GAD2: variants seen among roughly 807,000 people sequenced by gnomAD.
GAD2 encodes the protein 65 kDa glutamic acid decarboxylase.
GAD2 carries 22 observed loss-of-function variants against 80.1 expected under a neutral mutation model. That is an observed-to-expected ratio of 0.27 (90% CI 0.20 to 0.39). The LOEUF is 0.39. Among genes scored for constraint, GAD2 ranks in the 10% least tolerant of loss-of-function variants. GAD2 has a pLI of 1.00. For missense variants in GAD2, 624 were observed against 738.4 expected (o/e 0.85, Z 1.80); for synonymous variants, 274 against 256.9 (o/e 1.07, Z -0.64).
chr10:26,274,978 C>T (rs1161743602), intron 11 of GAD2, among the ~76,000 whole-genome samples: 1 of 152,188 alleles, frequency 6.6e-6, no homozygotes, highest in Non-Finnish European at 1.5e-5. Flanking sequence ...ATTTAGATGC[C>T]AGTGGATGAG....
rs1207503880 is a variant in GAD2, at chr10:26,217,880, G to T, written c.175G>T (p.Gly59Cys). The T allele has an allele frequency of 6.2e-6, 10 of 1,605,806 alleles. No individual in the cohort carries two copies. Among genetic ancestry groups the T allele is most frequent in the Admixed American group, 1.7e-5 (1 of 59,158 alleles). ...AGACGCCGAGAAGCCGGCGGAGAGC[G>T]GCGGGAGCCAACCCCCGCGGGCCGC... ...YGDAEKPAES[G>C]GSQPPRAAAR... The change falls in exon 3 of 16, where the codon GGC becomes TGC. Residue 59 changes from glycine to cysteine, a missense_variant. By Grantham distance (159) the Gly-to-Cys change is radical. Transcript: ENST00000376261. This position sits in a 1 kb window ranked among gnomAD's most constrained non-coding sequence, Gnocchi z 4.9.
At chr10:26,235,110 G>A (rs2132279741) in intron 7 of GAD2, among the ~76,000 whole-genome samples, 1 of 152,332 alleles carries the variant, frequency 6.6e-6, no homozygotes, top group South Asian at 2.1e-4. Context: ...CTGACCTCAG[G>A]TGATCCACCT....
In GAD2 at chr10:26,219,970, T is replaced by A. The variant is rs865969310; in HGVS notation, c.520+694T>A. 2.6e-5 allele frequency among the ~76,000 whole-genome samples: 4 copies of A among 152,208 alleles called. No individual in the cohort carries two copies. In the South Asian group the frequency reaches 8.3e-4, roughly 32 times the overall value. On this transcript the variant is annotated intron_variant, in intron 4 of 15. Transcript: ENST00000376261. ...ATCAGATATCCTTAGGGGGAAATTT[T>A]TTTAAATGTACTTTTGTGGTCTCTT...
chr10:26,221,508 T>TTAAATGTGG (rs1844451700), intron 4 of GAD2, among the ~76,000 whole-genome samples: 1 of 152,210 alleles, frequency 6.6e-6, no homozygotes, highest in Non-Finnish European at 1.5e-5. Context: ...AGAGTAGGAC[T>TTAAATGTGG]TAAATGTGGT....
At chr10:26,246,025 T>C (rs1228900612) in intron 8 of GAD2, 25 bp downstream of exon 8, 7 of 1,607,270 alleles carry the variant, frequency 4.4e-6, no homozygotes, top group Non-Finnish European at 5.1e-6. Context: ...GCAACTCTTG[T>C]TGGTTAGCAA....
chr10:26,241,512 C>T (rs1211539239), intron 7 of GAD2, among the ~76,000 whole-genome samples: 1 of 152,022 alleles, frequency 6.6e-6, no homozygotes, highest in Non-Finnish European at 1.5e-5. Context: ...ACCTGAAGGC[C>T]ACCCATGTCA....
At chr10:26,270,865 A>C (rs1845129107) in intron 10 of GAD2, 109 bp downstream of exon 10, 2 of 794,792 alleles carry the variant, frequency 2.5e-6, no homozygotes, top group Admixed American at 3.7e-5. Flanking sequence ...GCTTATTTTC[A>C]GAGTGGTGAT....
chr10:26,221,704 C>A (rs937470996), intron 4 of GAD2, among the ~76,000 whole-genome samples: 4 of 152,210 alleles, frequency 2.6e-5, no homozygotes, highest in African/African-American at 9.6e-5. Flanking sequence ...CGCATCCTTC[C>A]GGGCTCATTT....
At chr10:26,216,756 G>A (rs185649317), upstream of GAD2, 54 of 1,529,508 alleles carry the variant, frequency 3.5e-5, no homozygotes, top group African/African-American at 4.2e-4. This position sits in a 1 kb window ranked among gnomAD's most constrained non-coding sequence, Gnocchi z 4.7. Flanking sequence ...CAAGCCCGAG[G>A]CAGCTCGCCC....
intron 8 of GAD2, among the ~76,000 whole-genome samples, chr10:26,261,193 G>A (rs1398913721): frequency 6.6e-6 from 1 of 152,182 alleles, no homozygotes; most frequent in Non-Finnish European, 1.5e-5. Flanking sequence ...TTGGTAGTCA[G>A]AGTGATCATC....
At chr10:26,216,680 TCGGC>T, upstream of GAD2, 1 of 568,250 alleles carries the variant, frequency 1.8e-6, no homozygotes, top group Non-Finnish European at 2.9e-6. This position sits in a 1 kb window ranked among gnomAD's most constrained non-coding sequence, Gnocchi z 4.7. Flanking sequence ...CCCTCGCCGC[TCGGC>T]CCCGCCGGTC....
At chr10:26,247,574 T>TA (rs1844824230) in intron 8 of GAD2, among the ~76,000 whole-genome samples, 1 of 151,830 alleles carries the variant, frequency 6.6e-6, no homozygotes, top group South Asian at 2.1e-4. Flanking sequence ...CCACAGCAAA[T>TA]ACGGTGGCTC....
chr10:26,276,578 G>A (rs998245296), intron 11 of GAD2, among the ~76,000 whole-genome samples: 1 of 151,966 alleles, frequency 6.6e-6, no homozygotes, highest in Non-Finnish European at 1.5e-5. Context: ...AGTAGAGATG[G>A]GGTTTCACCA....
At chr10:26,222,947 G>A (rs1277317998) in intron 4 of GAD2, among the ~76,000 whole-genome samples, 2 of 152,230 alleles carry the variant, frequency 1.3e-5, no homozygotes, top group Non-Finnish European at 2.9e-5. Flanking sequence ...TAAAATTTTT[G>A]CTGCTGTGCA....
At position 26,219,090 on chromosome 10, in the gene GAD2, C is replaced by G. The variant is rs767519463; in HGVS notation, c.334C>G (p.Gln112Glu). Residue 112 changes from glutamine to glutamate, a missense_variant, in exon 4 of 16, where the codon CAA becomes GAA. Transcript: ENST00000376261. ...DGERPTLAFL[Q>E]DVMNILLQYV... ...AGAAAGGCCCACTTTGGCGTTTCTG[C>G]AAGATGTTATGAACATTTTACTTCA... The G allele has an allele frequency of 6.2e-7, 1 of 1,603,636 alleles. No homozygotes were observed. Among genetic ancestry groups the G allele is most frequent in the South Asian group, 1.1e-5 (1 of 88,796 alleles).
intron 7 of GAD2, among the ~76,000 whole-genome samples, chr10:26,235,711 G>T (rs377432331): frequency 5.3e-5 from 8 of 152,162 alleles, no homozygotes; most frequent in East Asian, 1.9e-4. Context: ...TCATACAAAG[G>T]CTTGGCAAAA....
intron 15 of GAD2, among the ~76,000 whole-genome samples, chr10:26,295,650 T>C (rs1335202870): frequency 2.0e-5 from 3 of 152,006 alleles, no homozygotes; most frequent in Non-Finnish European, 2.9e-5. Flanking sequence ...TCAATTAAAA[T>C]TAAATTCAAC....
Position 26,273,609 on chromosome 10 carries a change from C to T in GAD2, c.1093-27C>T, listed in dbSNP as rs185512892. 3.9e-5 allele frequency: 62 copies of T among 1,597,794 alleles called. No individual in the cohort carries two copies. In the African/African-American group the frequency reaches 7.8e-4, roughly 20 times the overall value. ...AATCTAGGCAATGACAAACTGCTAC[C>T]ATTTTCCTCATATGATTTTTTTTCA... On this transcript the variant is annotated intron_variant, in intron 10 of 15. Coordinates refer to ENST00000376261, the MANE Select transcript of GAD2 (RefSeq NM_001134366.2).
At chr10:26,270,503 G>C (rs1564667511) in intron 9 of GAD2, 137 bp from the exon 10 acceptor site, 4 of 708,128 alleles carry the variant, frequency 5.6e-6, no homozygotes, top group East Asian at 5.0e-5. Context: ...CAGACCCCGG[G>C]GTGTCAGTAA....
Sources: allele counts gnomAD v4.1 joint callset (sites outside exome capture counted in the v4.1 genomes callset), GRCh38; gene constraint gnomAD v4.1.1; non-coding constraint Gnocchi (gnomAD v3.1); transcripts MANE v1.5; gene names NCBI Gene and HGNC (gene_info 2026-07-23, HGNC 2026-07-21).